The following C22orf23 variants were observed in gnomAD, a reference collection of about 807,000 sequenced individuals.
C22orf23 encodes chromosome 22 open reading frame 23, also known as UPF0193 protein EVG1.
A neutral mutation model predicts 29.7 loss-of-function variants in C22orf23; 30 were observed. The observed-to-expected ratio is 1.01, with a 90% CI of 0.76 to 1.37. The LOEUF (loss-of-function observed/expected upper bound fraction) is 1.37. Among genes scored for constraint, C22orf23 ranks in the 40% most tolerant of loss-of-function variants. The pLI is 0.00. For missense variants in C22orf23, 237 were observed against 273.1 expected, an observed-to-expected ratio of 0.87 and a Z score of 0.93; for synonymous variants, 90 against 96.1, an observed-to-expected ratio of 0.94 and a Z score of 0.37.
In C22orf23 at chr22:37,948,356, G is replaced by A. The variant is rs528227146; in HGVS notation, c.167-893C>T. ...TCCTAGCTACTTGGGAGGCTGAGGC[G>A]GGAGAATCACTTGAACCCAGGAGGT... On this transcript the variant is annotated intron_variant, in intron 3 of 6. Transcript: ENST00000403305. Among the ~76,000 whole-genome samples the A allele has an allele frequency of 4.0e-5, 6 of 151,638 alleles. No homozygotes were observed. In the East Asian group the frequency reaches 7.8e-4, roughly 20 times the overall value.
At chr22:37,952,058 GC>G (rs1931077201) in intron 2 of C22orf23, among the ~76,000 whole-genome samples, 1 of 151,774 alleles carries the variant, frequency 6.6e-6, no homozygotes, top group Admixed American at 6.6e-5. Context: ...CAGGTGATCT[GC>G]CCACCTTGGC....
intron 3 of C22orf23, among the ~76,000 whole-genome samples, chr22:37,949,835 G>A (rs1458839376): frequency 3.9e-5 from 6 of 151,958 alleles, no homozygotes; most frequent in African/African-American, 1.2e-4. Context: ...CCCCAGGAGC[G>A]AGCGGTCAGA....
rs192014123 is a variant in C22orf23 at position 37,946,766 on chromosome 22, C to G, written c.349+515G>C. ...GTGGACACTTGTAATCCCAGCTACT[C>G]AGGAGGCTGACACATGAGAATTGCT... is the stretch of plus-strand genomic sequence containing the variant. On this transcript the variant is annotated intron_variant, in intron 4 of 6. Coordinates refer to ENST00000403305, the MANE Select transcript of C22orf23 (RefSeq NM_032561.5). 2.6e-3 allele frequency among the ~76,000 whole-genome samples: 382 copies of G among 149,784 alleles called. 1 individual carries two copies. Among genetic ancestry groups the G allele is most frequent in the Non-Finnish European group, 4.3e-3 (292 of 67,596 alleles).
chr22:37,945,660 TG>T (rs1930653329), intron 4 of C22orf23, among the ~76,000 whole-genome samples: 1 of 150,758 alleles, frequency 6.6e-6, no homozygotes, highest in South Asian at 2.1e-4. Flanking sequence ...AGCTAATTTT[TG>T]TATTTTTTTT....
At chr22:37,946,822 C>G (rs993892288) in intron 4 of C22orf23, among the ~76,000 whole-genome samples, 2 of 149,282 alleles carry the variant, frequency 1.3e-5, no homozygotes, top group Admixed American at 6.7e-5. Context: ...TACAGTGAGC[C>G]GAGATAGCAC....
chr22:37,951,494 G>A lies in C22orf23; in HGVS notation c.132C>T (p.Asn44=). 2 of 1,614,056 alleles carry A rather than the reference G, an allele frequency of 1.2e-6. No homozygotes were observed. The highest frequency in any genetic ancestry group is 1.7e-6 in the Non-Finnish European group (2 of 1,179,998). The change falls in exon 3 of 7, where the codon AAC becomes AAT. Residue 44 remains asparagine (N), a synonymous_variant. Coordinates refer to ENST00000403305, the MANE Select transcript of C22orf23 (RefSeq NM_032561.5). ...RVMMKESKLT[N]IQQRHIMDIM... is the part of the protein sequence containing the mutation. ...TGTCCATGATGTGGCGCTGCTGGAT[G>A]TTCGTCAGTTTGGATTCCTTCATCA...
intron 3 of C22orf23, chr22:37,950,985 G>A (rs1930977602): frequency 6.5e-6 from 1 of 154,404 alleles, no homozygotes; most frequent in Non-Finnish European, 1.4e-5. Flanking sequence ...GGCCGAGGTG[G>A]GCGGATCATG....
intron 3 of C22orf23, 32 bp from the exon 4 acceptor site, chr22:37,947,495 C>A: frequency 7.5e-7 from 1 of 1,327,230 alleles, no homozygotes; most frequent in South Asian, 1.6e-5. Flanking sequence ...TGGGAGGACC[C>A]ACATGGCTTT....
chr22:37,952,428 C>T (rs1357346120), intron 2 of C22orf23, among the ~76,000 whole-genome samples: 2 of 152,026 alleles, frequency 1.3e-5, no homozygotes, highest in Non-Finnish European at 2.9e-5. Context: ...AAGTCTTCCT[C>T]GGGAAAGTTG....
rs564782353 is a variant in C22orf23 at position 37,945,054 on chromosome 22, G to T, written c.469C>A (p.Arg157=). 1.1e-5 allele frequency: 18 copies of T among 1,608,068 alleles called. No individual in the cohort carries two copies. The highest frequency in any genetic ancestry group is 3.3e-5 in the South Asian group (3 of 90,414). ...RQKAPAPELD[R]FEELVKEIQE... The stretch of plus-strand genomic sequence containing the variant: ...GTCGGAGTCTTACGCTCTTCAAATC[G>T]GTCTAGCTCAGGGGCTGGAGCCTTC... The change falls in exon 5 of 7, where the codon CGA becomes AGA. Residue 157 remains arginine (R), a synonymous_variant. Coordinates refer to ENST00000403305, the MANE Select transcript of C22orf23 (RefSeq NM_032561.5).
Position 37,953,513 on chromosome 22 carries a change from G to A in C22orf23, c.-75C>T, listed in dbSNP as rs1931203621. ...TGGGCTCCCGGAGGCGGTGACCACT[G>A]CTTTACAGCCGCATCCGCACCGGTG... On this transcript the variant is annotated 5_prime_UTR_variant, in exon 1 of 7. Coordinates refer to ENST00000403305, the MANE Select transcript of C22orf23 (RefSeq NM_032561.5). The A allele has an allele frequency of 5.9e-5, 33 of 563,596 alleles. No individual in the cohort carries two copies. The South Asian group carries it at 7.2e-4, about 12-fold the overall frequency. 34.9% of individuals were successfully genotyped at this position (563,596 alleles called of 1,614,324 possible). A position where few individuals can be genotyped will look rare whatever the true frequency, so the allele number is the denominator to read the frequency against.
chr22:37,951,406 A>G (rs2145710379), intron 3 of C22orf23, 54 bp downstream of exon 3: 3 of 1,495,958 alleles, frequency 2.0e-6, no homozygotes, highest in Non-Finnish European at 2.8e-6. Flanking sequence ...AGAAGCATTA[A>G]AAGTGTGGCC....
Position 37,944,046 on chromosome 22 carries a change from C to T in C22orf23, c.*129G>A, listed in dbSNP as rs1930543997. On this transcript the variant is annotated 3_prime_UTR_variant, in exon 7 of 7. Coordinates refer to ENST00000403305, the MANE Select transcript of C22orf23 (RefSeq NM_032561.5). ...GAGTATGCCTTGGGGTACTGCAGGG[C>T]AGTGCTATGCCACCACCTGACGTGG... 1 of 834,902 alleles carries T rather than the reference C, an allele frequency of 1.2e-6. No homozygotes were observed. Among genetic ancestry groups the T allele is most frequent in the Non-Finnish European group, 2.1e-6 (1 of 486,242 alleles). 51.7% of individuals were successfully genotyped at this position (834,902 alleles called of 1,614,324 possible). A position where few individuals can be genotyped will look rare whatever the true frequency, so the allele number is the denominator to read the frequency against.
Position 37,947,339 on chromosome 22 carries a change from G to T in C22orf23, c.291C>A (p.Ala97=). The T allele has an allele frequency of 6.2e-7, 1 of 1,613,898 alleles. No homozygotes were observed. ...ILAARPHLRP[A]NMCQANGAYS... is the part of the protein sequence containing the mutation. ...AGGCCCCATTGGCTTGACACATGTT[G>T]GCAGGCCGGAGGTGGGGACGGGCTG... is the stretch of plus-strand genomic sequence containing the variant. The change falls in exon 4 of 7, where the codon GCC becomes GCA. Residue 97 remains alanine, a synonymous_variant. Transcript: ENST00000403305.
In C22orf23 at chr22:37,951,448, A is replaced by C. The variant is rs752433207; in HGVS notation, c.166+12T>G. ...CCCTCTGTCCAGGAAGCCTCTGTGG[A>C]CTGCCCCTTACTTTTCATGATGTCC... On this transcript the variant is annotated intron_variant, in intron 3 of 6. Coordinates refer to ENST00000403305, the MANE Select transcript of C22orf23 (RefSeq NM_032561.5). The C allele has an allele frequency of 6.2e-7, 1 of 1,612,990 alleles. No homozygotes were observed. Among genetic ancestry groups the C allele is most frequent in the East Asian group, 2.2e-5 (1 of 44,864 alleles).
At chr22:37,944,890 G>A (rs1930602043) in intron 5 of C22orf23, 152 bp downstream of exon 5, 3 of 862,446 alleles carry the variant, frequency 3.5e-6, no homozygotes, top group Non-Finnish European at 5.2e-6. Flanking sequence ...ATAAGAGCAA[G>A]ACTGTCTCAA....
At chr22:37,945,207 T>C in intron 4 of C22orf23, 34 bp from the exon 5 acceptor site, 2 of 1,594,416 alleles carry the variant, frequency 1.3e-6, no homozygotes, top group Non-Finnish European at 1.7e-6. Flanking sequence ...CTAGTTAGGC[T>C]GTAAAGGGTG....
At chr22:37,949,161 A>G (rs1259817882) in intron 3 of C22orf23, among the ~76,000 whole-genome samples, 1 of 152,062 alleles carries the variant, frequency 6.6e-6, no homozygotes, top group African/African-American at 2.4e-5. Context: ...CCTGCTGTCC[A>G]TCCCCCCGCT....
intron 3 of C22orf23, chr22:37,950,941 GGTGGCTCACTCCTGTAGTCCCAGCA>G (rs1316254838): frequency 1.4e-5 from 2 of 144,636 alleles, no homozygotes; most frequent in Non-Finnish European, 3.0e-5. Context: ...GGCCAGGCGT[GGTGGCTCACTCCTGTAGTCCCAGCA>G]CTTTGGGAGG....
Sources: allele counts gnomAD v4.1 joint callset (sites outside exome capture counted in the v4.1 genomes callset), GRCh38; gene constraint gnomAD v4.1.1; transcripts MANE v1.5; gene names NCBI Gene and HGNC (gene_info 2026-07-23, HGNC 2026-07-21).